The following MIPOL1 variants were observed in gnomAD, a reference collection of about 807,000 sequenced individuals.
MIPOL1 encodes the protein mirror-image polydactyly 1, also known as mirror-image polydactyly gene 1 protein.
MIPOL1 carries 57 observed loss-of-function variants against 60.9 expected under a neutral mutation model. That is an observed-to-expected ratio of 0.94 (90% confidence interval 0.76 to 1.17). MIPOL1 has a LOEUF of 1.17. MIPOL1 is among the 50% of genes most tolerant of loss of function. The pLI is 0.00. For synonymous variants in MIPOL1, 179 were observed against 168.8 expected (o/e 1.06, Z -0.47); for missense variants, 551 against 511.6 (o/e 1.08, Z -0.74).
intron 6 of MIPOL1, among the ~76,000 whole-genome samples, chr14:37,284,510 AT>A (rs558651561): frequency 6.6e-6 from 1 of 151,572 alleles, no homozygotes; most frequent in East Asian, 1.9e-4. Flanking sequence ...TGCCTGGCTA[AT>A]TTTTTGTATT....
chr14:37,237,775 G>A lies in MIPOL1; in HGVS notation c.-198-9328G>A, dbSNP rs902804720. ...TGTCTGGCTAAGACACTGTGCAGGT[G>A]CTCAGAGATATGTGATTGCTGTTTA... On this transcript the variant is annotated intron_variant, in intron 1 of 12. Coordinates refer to ENST00000684589, the MANE Select transcript of MIPOL1 (RefSeq NM_001388067.1). Among the ~76,000 whole-genome samples the A allele has an allele frequency of 3.3e-5, 5 of 152,222 alleles. No homozygotes were observed. In the South Asian group the frequency reaches 8.3e-4, roughly 25 times the overall value.
intron 9 of MIPOL1, among the ~76,000 whole-genome samples, chr14:37,318,451 AT>A (rs1169581027): frequency 2.6e-5 from 4 of 152,076 alleles, no homozygotes; most frequent in Non-Finnish European, 4.4e-5. Flanking sequence ...ATTTTCATTA[AT>A]TTTTTCCCTT....
In MIPOL1 at chr14:37,536,347, G is replaced by A. The variant is rs989129762; in HGVS notation, c.1263-10558G>A. 2.6e-5 allele frequency among the ~76,000 whole-genome samples: 4 copies of A among 152,088 alleles called. 1 individual carries two copies. The highest frequency in any genetic ancestry group is 4.8e-5 in the African/African-American group (2 of 41,402). ...AGATGATAGTCACATCCCAGGAGTCGTTTAAGAGAAAAATGTGAATCCCAA... is the reference window on the plus strand; with the variant it reads ...AGATGATAGTCACATCCCAGGAGTCATTTAAGAGAAAAATGTGAATCCCAA... On this transcript the variant is annotated intron_variant, in intron 12 of 12. Transcript: ENST00000684589.
intron 9 of MIPOL1, among the ~76,000 whole-genome samples, chr14:37,325,101 A>C (rs2089006488): frequency 6.6e-6 from 1 of 152,102 alleles, no homozygotes; most frequent in Non-Finnish European, 1.5e-5. Context: ...CATTGTGTTG[A>C]ATCTATAGAT....
intron 11 of MIPOL1, among the ~76,000 whole-genome samples, chr14:37,475,294 A>G (rs1463237602): frequency 1.3e-5 from 2 of 152,180 alleles, no homozygotes; most frequent in Non-Finnish European, 2.9e-5. Flanking sequence ...TTGATTTTAA[A>G]GAGTTCTTTG....
chr14:37,410,101 A>T (rs2093656887), intron 10 of MIPOL1, among the ~76,000 whole-genome samples: 1 of 152,240 alleles, frequency 6.6e-6, no homozygotes, highest in Non-Finnish European at 1.5e-5. Context: ...CTAAACATCT[A>T]GCATTCTAAC....
chr14:37,398,754 G>A (rs963181803), intron 10 of MIPOL1, among the ~76,000 whole-genome samples: 2 of 152,172 alleles, frequency 1.3e-5, no homozygotes, highest in African/African-American at 4.8e-5. Context: ...CATTGAACGA[G>A]TAAGATCTTT....
chr14:37,406,640 A>G (rs1211124136), intron 10 of MIPOL1, among the ~76,000 whole-genome samples: 1 of 152,124 alleles, frequency 6.6e-6, no homozygotes, highest in African/African-American at 2.4e-5. Context: ...TGAGGAACCC[A>G]CATTCCATCT....
intron 1 of MIPOL1, among the ~76,000 whole-genome samples, chr14:37,239,560 A>G (rs1015568645): frequency 6.6e-6 from 1 of 152,236 alleles, no homozygotes; most frequent in African/African-American, 2.4e-5. Context: ...TAAAATTTAT[A>G]GTTGAAATTA....
intron 7 of MIPOL1, among the ~76,000 whole-genome samples, chr14:37,296,604 A>G (rs1211317628): frequency 6.6e-6 from 1 of 152,200 alleles, no homozygotes; most frequent in African/African-American, 2.4e-5. Context: ...TAGACACAAT[A>G]AAAAATGGCA....
chr14:37,378,923 C>T (rs2092849768), intron 10 of MIPOL1, among the ~76,000 whole-genome samples: 1 of 152,028 alleles, frequency 6.6e-6, no homozygotes, highest in South Asian at 2.1e-4. Context: ...CATTCTAATG[C>T]AATCTAAACA....
chr14:37,530,605 A>C (rs1236988495), intron 12 of MIPOL1, among the ~76,000 whole-genome samples: 1 of 152,170 alleles, frequency 6.6e-6, no homozygotes, highest in Admixed American at 6.5e-5. Flanking sequence ...TATTCATAAG[A>C]GCTGTATCTC....
intron 3 of MIPOL1, among the ~76,000 whole-genome samples, chr14:37,260,624 A>T (rs1021651118): frequency 8.5e-5 from 13 of 152,280 alleles, no homozygotes; most frequent in African/African-American, 2.6e-4. Flanking sequence ...AAACAATCTA[A>T]AAGTATGTTG....
At chr14:37,459,655 C>T (rs140689620) in intron 11 of MIPOL1, among the ~76,000 whole-genome samples, 1 of 152,146 alleles carries the variant, frequency 6.6e-6, no homozygotes, top group African/African-American at 2.4e-5. Flanking sequence ...GGGATTTCTC[C>T]CTAACCCGTT....
intron 10 of MIPOL1, among the ~76,000 whole-genome samples, chr14:37,373,452 G>A (rs539271863): frequency 6.6e-6 from 1 of 151,608 alleles, no homozygotes; most frequent in East Asian, 1.9e-4. Flanking sequence ...AGAACATGAG[G>A]GTTTGTTACA....
At chr14:37,359,429 A>G (rs764438018) in intron 9 of MIPOL1, among the ~76,000 whole-genome samples, 4 of 152,150 alleles carry the variant, frequency 2.6e-5, no homozygotes, top group Non-Finnish European at 5.9e-5. Context: ...CTTGGGCAGT[A>G]TGGCCATTTT....
At chr14:37,198,880 C>T (rs1385685419) in intron 1 of MIPOL1, among the ~76,000 whole-genome samples, 1 of 151,996 alleles carries the variant, frequency 6.6e-6, no homozygotes, top group Non-Finnish European at 1.5e-5. Context: ...AAATTATTGG[C>T]GTTTCAAAGT....
intron 6 of MIPOL1, among the ~76,000 whole-genome samples, chr14:37,280,907 T>G (rs1283958891): frequency 6.6e-6 from 1 of 152,124 alleles, no homozygotes; most frequent in Admixed American, 6.6e-5. Context: ...CCTTGTATAT[T>G]TTTGGTATTA....
chr14:37,483,103 A>G (rs984228774), intron 11 of MIPOL1, among the ~76,000 whole-genome samples: 3 of 144,018 alleles, frequency 2.1e-5, no homozygotes, highest in Non-Finnish European at 3.0e-5. Context: ...CATGTTCAGT[A>G]TAGACACAAC....
Sources: allele counts gnomAD v4.1 joint callset (sites outside exome capture counted in the v4.1 genomes callset), GRCh38; gene constraint gnomAD v4.1.1; transcripts MANE v1.5; gene names NCBI Gene and HGNC (gene_info 2026-07-23, HGNC 2026-07-21).